The following HMCN1 variants were observed in gnomAD, a reference collection of about 807,000 sequenced individuals.
HMCN1 encodes the protein hemicentin 1, also known as hemicentin-1.
Under a neutral mutation model 625.9 loss-of-function variants are expected in HMCN1, and 321 were observed. The observed-to-expected ratio is 0.51, with a 90% CI of 0.47 to 0.56. The LOEUF is 0.56. Among genes scored for constraint, HMCN1 ranks in the 20% least tolerant of loss-of-function variants. HMCN1 has a pLI of 0.00. For missense variants in HMCN1, 6,588 were observed against 6,887.3 expected (o/e 0.96, Z 1.54); for synonymous variants, 2,425 against 2,417.6 (o/e 1.00, Z -0.09).
At chr1:186,115,469 A>G (rs1476914978) in intron 75 of HMCN1, 55 bp downstream of exon 75, 1 of 1,505,634 alleles carries the variant, frequency 6.6e-7, no homozygotes, top group South Asian at 1.1e-5. Context: ...GTAATGAATC[A>G]ACATTTTAAT....
chr1:186,049,082 T>C (rs1249994438), intron 42 of HMCN1, among the ~76,000 whole-genome samples: 2 of 152,086 alleles, frequency 1.3e-5, no homozygotes, highest in Non-Finnish European at 2.9e-5. Context: ...AGTAGTAATG[T>C]GCCCTTTGTC....
chr1:186,130,576 A>G lies in HMCN1; in HGVS notation c.13109A>G (p.Asn4370Ser). ...CCACTTGGTGGGAATGCAATCCTGA[A>G]TTGTGAGGTGAAAGGAGACCCCACC... is the stretch of plus-strand genomic sequence containing the variant. The part of the protein sequence containing the change: ...IEPLGGNAIL[N>S]CEVKGDPTPT... Residue 4370 changes from asparagine to serine, a missense_variant, in exon 85 of 107, where the codon AAT becomes AGT. Asn to Ser is a conservative substitution (Grantham distance 46). Coordinates refer to ENST00000271588, the MANE Select transcript of HMCN1 (RefSeq NM_031935.3). 1 of 1,613,602 alleles carries G rather than the reference A, an allele frequency of 6.2e-7. No individual in the cohort carries two copies.
At chr1:186,122,812 A>G in intron 80 of HMCN1, 139 bp from the exon 81 acceptor site, 1 of 879,210 alleles carries the variant, frequency 1.1e-6, no homozygotes. Flanking sequence ...GAAAAAATGT[A>G]GTGCTCCTTT....
intron 4 of HMCN1, among the ~76,000 whole-genome samples, chr1:185,895,389 T>A (rs900651331): frequency 2.0e-5 from 3 of 152,234 alleles, no homozygotes; most frequent in Admixed American, 2.0e-4. Flanking sequence ...TAGTCATTTT[T>A]CTTGGCGATA....
intron 4 of HMCN1, among the ~76,000 whole-genome samples, chr1:185,906,161 C>T (rs1403867147): frequency 6.6e-6 from 1 of 151,734 alleles, no homozygotes; most frequent in Non-Finnish European, 1.5e-5. Context: ...CCCTGAGAAG[C>T]CAGAAACTGC....
At position 185,995,166 on chromosome 1, in the gene HMCN1, C is replaced by T. The variant is rs754033862; in HGVS notation, c.3778+79C>T. The T allele has an allele frequency of 1.8e-4, 232 of 1,275,448 alleles. 1 individual carries two copies. Among genetic ancestry groups the T allele is most frequent in the Middle Eastern group, 1.4e-3 (7 of 4,866 alleles). The allele number at this position is 1,275,448 out of a possible 1,614,324, so 79.0% of individuals were successfully genotyped here. The stretch of plus-strand genomic sequence containing the variant: ...GCCCTAGAGCTAAATAGATTATCTT[C>T]GATAATCTTAAATGACTTCAGAAAG... On this transcript the variant is annotated intron_variant, in intron 24 of 106. Coordinates refer to ENST00000271588, the MANE Select transcript of HMCN1 (RefSeq NM_031935.3).
At chr1:186,029,539 G>GT (rs34307509) in intron 36 of HMCN1, among the ~76,000 whole-genome samples, 88,719 of 147,826 alleles carry the variant, frequency 0.6, 27,269 homozygotes, top group African/African-American at 0.77. Flanking sequence ...TTCTCCTAAA[G>GT]TTTTTTTTTT....
chr1:186,150,223 G>A (rs1009242208), intron 93 of HMCN1, among the ~76,000 whole-genome samples: 4 of 152,142 alleles, frequency 2.6e-5, no homozygotes, highest in African/African-American at 9.7e-5. Context: ...AATTCCTAGT[G>A]ATTGCTTTAA....
At chr1:186,023,228 G>T in intron 36 of HMCN1, 75 bp downstream of exon 36, 1 of 1,281,412 alleles carries the variant, frequency 7.8e-7, no homozygotes, top group East Asian at 2.5e-5. Flanking sequence ...CATTTTTATT[G>T]AATTACAGTA....
At chr1:185,989,885 T>C (rs1347690920) in intron 21 of HMCN1, among the ~76,000 whole-genome samples, 1 of 152,084 alleles carries the variant, frequency 6.6e-6, no homozygotes, top group African/African-American at 2.4e-5. Flanking sequence ...GGAAAAATTT[T>C]ATGGTGTTTT....
Position 186,067,913 on chromosome 1 carries a change from G to T in HMCN1, c.7785G>T (p.Leu2595Phe). The change falls in exon 50 of 107, where the codon TTG (leucine) becomes TTT (phenylalanine). Residue 2595 changes from leucine (L) to phenylalanine (F), a missense_variant. Leu to Phe is a conservative substitution (Grantham distance 22, BLOSUM62 0). Around this residue, in one of 3 missense-constraint regions of HMCN1, gnomAD observed 4,628 missense variants for 4,853.1 expected, o/e 0.95. Coordinates refer to ENST00000271588, the MANE Select transcript of HMCN1 (RefSeq NM_031935.3). ...VTVILNSPTS[L>F]VCEAYSYPPA... ...TCATCCTTAACAGCCCTACATCTTT[G>T]GTCTGTGAAGCTTATTCATATCCTC... is the stretch of plus-strand genomic sequence containing the variant. 6.2e-7 allele frequency: 1 copy of T among 1,612,874 alleles called. No homozygotes were observed.
At chr1:185,744,831 A>G (rs1453905338) in intron 1 of HMCN1, among the ~76,000 whole-genome samples, 1 of 152,170 alleles carries the variant, frequency 6.6e-6, no homozygotes, top group African/African-American at 2.4e-5. Flanking sequence ...AGGAGCCTGG[A>G]AGGATTATAA....
chr1:185,808,002 A>G (rs1453434149), intron 1 of HMCN1, among the ~76,000 whole-genome samples: 1 of 152,152 alleles, frequency 6.6e-6, no homozygotes, highest in Non-Finnish European at 1.5e-5. Flanking sequence ...AATTTTTAAA[A>G]TAATTAACTT....
At position 185,988,706 on chromosome 1, in the gene HMCN1, C is replaced by T. The variant is rs1018731623; in HGVS notation, c.3049-782C>T. On this transcript the variant is annotated intron_variant, in intron 20 of 106. Coordinates refer to ENST00000271588, the MANE Select transcript of HMCN1 (RefSeq NM_031935.3). ...GTTAAGAACTTGGGCTCTAGAGCCT[C>T]GCTGCTGGATTTCAACCCCAGCTCT... Among the ~76,000 whole-genome samples the T allele has an allele frequency of 4.6e-5, 7 of 152,152 alleles. No homozygotes were observed. In the South Asian group the frequency reaches 6.2e-4, roughly 14 times the overall value.
chr1:186,063,988 A>G (rs1657946341), intron 48 of HMCN1, among the ~76,000 whole-genome samples: 1 of 152,170 alleles, frequency 6.6e-6, no homozygotes, highest in Non-Finnish European at 1.5e-5. Flanking sequence ...AGGAAGATTC[A>G]ATGAGTTTCT....
At chr1:185,746,324 A>G (rs1654391764) in intron 1 of HMCN1, among the ~76,000 whole-genome samples, 1 of 152,208 alleles carries the variant, frequency 6.6e-6, no homozygotes, top group African/African-American at 2.4e-5. Flanking sequence ...CCAAGAAGAC[A>G]GGGCCTACTC....
intron 34 of HMCN1, among the ~76,000 whole-genome samples, chr1:186,018,636 T>C (rs970366976): frequency 1.3e-5 from 2 of 151,978 alleles, no homozygotes; most frequent in Non-Finnish European, 2.9e-5. Flanking sequence ...GGAAGTGTGT[T>C]CTACATAGAA....
At chr1:185,944,527 A>G (rs112893227) in intron 11 of HMCN1, among the ~76,000 whole-genome samples, 9 of 152,234 alleles carry the variant, frequency 5.9e-5, no homozygotes, top group African/African-American at 2.2e-4. Flanking sequence ...AAATGACAGC[A>G]TTGTGTGTAA....
At position 185,993,275 on chromosome 1, in the gene HMCN1, G is replaced by A; in HGVS notation, c.3471G>A (p.Gly1157=). The A allele has an allele frequency of 6.2e-7, 1 of 1,613,142 alleles. No individual in the cohort carries two copies. The highest frequency in any genetic ancestry group is 1.1e-5 in the South Asian group (1 of 91,072). ...TTTGTGTTGCCACAAATATTGCTGG[G>A]AATGTGACTCAGGCTGTCAAATTAA... is the stretch of plus-strand genomic sequence containing the variant. ...MYLCVATNIA[G]NVTQAVKLNV... The change falls in exon 23 of 107, where the codon GGG becomes GGA. Residue 1157 remains glycine, a synonymous_variant. Transcript: ENST00000271588.
Sources: allele counts gnomAD v4.1 joint callset (sites outside exome capture counted in the v4.1 genomes callset), GRCh38; gene constraint gnomAD v4.1.1; regional missense constraint gnomAD v4.1.1; transcripts MANE v1.5; gene names NCBI Gene and HGNC (gene_info 2026-07-23, HGNC 2026-07-21).